ACAD11: variants seen among roughly 807,000 people sequenced by gnomAD.
ACAD11 encodes the protein acyl-Coenzyme A dehydrogenase family, member 11.
Under a neutral mutation model 102.2 loss-of-function variants are expected in ACAD11, and 83 were observed. The observed-to-expected ratio is 0.81, with a 90% CI of 0.68 to 0.97. The LOEUF (loss-of-function observed/expected upper bound fraction) is 0.97. ACAD11 is among the 50% of genes least tolerant of loss of function. The probability of loss-of-function intolerance (pLI) is 0.00; values close to 1 mark genes in which losing one functional copy is unlikely to be tolerated. For synonymous variants in ACAD11, 324 were observed against 319.8 expected (o/e 1.01, Z -0.14); for missense variants, 901 against 951.7 (o/e 0.95, Z 0.70).
At chr3:132,577,348 T>C (rs114067057) in intron 15 of ACAD11, among the ~76,000 whole-genome samples, 5,549 of 152,246 alleles carry the variant, frequency 0.036, 326 homozygotes, top group African/African-American at 0.13. Flanking sequence ...CTTTGAAATA[T>C]TTTACATATG....
Position 132,642,125 on chromosome 3 carries a change from G to A in ACAD11, c.384C>T (p.Ile128=), listed in dbSNP as rs1463412005. Residue 128 remains isoleucine, a synonymous_variant, in exon 4 of 20, where the codon ATC becomes ATT. Coordinates refer to ENST00000264990, the MANE Select transcript of ACAD11 (RefSeq NM_032169.5). ...GTCCAGGAATTGTTAAATCACGGAA[G>A]ATTCGACCCTATGGAAGTGATTACA... The part of the protein sequence containing the change: ...FYVMEHVQGR[I]FRDLTIPGLS... 1 of 1,613,744 alleles carries A rather than the reference G, an allele frequency of 6.2e-7. No individual in the cohort carries two copies. The highest frequency in any genetic ancestry group is 2.2e-5 in the East Asian group (1 of 44,846).
chr3:132,559,169 C>G, intron 19 of ACAD11, 84 bp from the exon 20 acceptor site: 1 of 933,154 alleles, frequency 1.1e-6, no homozygotes, highest in Non-Finnish European at 1.7e-6. Flanking sequence ...TGATTGTCAA[C>G]CAAGACTATA....
chr3:132,572,274 G>A (rs1937401938), intron 17 of ACAD11, among the ~76,000 whole-genome samples: 1 of 151,522 alleles, frequency 6.6e-6, no homozygotes, highest in African/African-American at 2.4e-5. Flanking sequence ...GCCAAATCGG[G>A]AATGCAATCC....
chr3:132,646,211 G>A (rs1026547104), intron 1 of ACAD11, among the ~76,000 whole-genome samples: 1 of 152,170 alleles, frequency 6.6e-6, no homozygotes, highest in East Asian at 1.9e-4. Context: ...TGATCCGCCC[G>A]CCTGGGCCTC....
intron 2 of ACAD11, 33 bp from the exon 3 acceptor site, chr3:132,642,835 G>T: frequency 6.3e-7 from 1 of 1,582,958 alleles, no homozygotes; most frequent in Non-Finnish European, 8.6e-7. Context: ...AAAAATCAGA[G>T]AAACTGATTT....
intron 1 of ACAD11, among the ~76,000 whole-genome samples, chr3:132,647,890 T>C (rs759112163): frequency 4.6e-5 from 7 of 152,162 alleles, no homozygotes; most frequent in Admixed American, 1.3e-4. Context: ...CACTTTCTTA[T>C]AGATGGCACA....
intron 13 of ACAD11, among the ~76,000 whole-genome samples, chr3:132,587,230 C>A (rs1937880529): frequency 6.6e-6 from 1 of 152,118 alleles, no homozygotes; most frequent in South Asian, 2.1e-4. Flanking sequence ...TTAGTTTATT[C>A]TTTTTTCAAA....
intron 13 of ACAD11, among the ~76,000 whole-genome samples, chr3:132,589,002 A>G (rs1036617494): frequency 6.6e-6 from 1 of 152,158 alleles, no homozygotes; most frequent in African/African-American, 2.4e-5. Context: ...TTTGGTCCGA[A>G]AGGCGGTGAT....
intron 13 of ACAD11, among the ~76,000 whole-genome samples, chr3:132,583,831 T>C (rs1296385879): frequency 6.6e-6 from 1 of 152,206 alleles, no homozygotes; most frequent in East Asian, 1.9e-4. Flanking sequence ...CAGGAGCAGG[T>C]TGTTCAGTTT....
intron 9 of ACAD11, among the ~76,000 whole-genome samples, chr3:132,624,908 C>T (rs187955174): frequency 5.7e-4 from 87 of 152,156 alleles, no homozygotes; most frequent in African/African-American, 9.9e-4. Flanking sequence ...TGGTCTCAAA[C>T]TCCTGGGCTC....
intron 4 of ACAD11, among the ~76,000 whole-genome samples, chr3:132,641,720 G>GAAC (rs1265426525): frequency 6.6e-6 from 1 of 150,512 alleles, no homozygotes; most frequent in African/African-American, 2.5e-5. Flanking sequence ...AGAAGAAGAA[G>GAAC]AAGAAGAAGA....
At chr3:132,639,725 T>A in intron 4 of ACAD11, 69 bp from the exon 5 acceptor site, 1 of 1,445,038 alleles carries the variant, frequency 6.9e-7, no homozygotes, top group Non-Finnish European at 9.4e-7. Context: ...ATTCTAAAAT[T>A]AAAACAAAAT....
intron 13 of ACAD11, among the ~76,000 whole-genome samples, chr3:132,596,564 C>A (rs1235243691): frequency 6.6e-6 from 1 of 152,064 alleles, no homozygotes; most frequent in African/African-American, 2.4e-5. Context: ...TCAAATAGAC[C>A]ATGAGGGCCA....
intron 9 of ACAD11, among the ~76,000 whole-genome samples, chr3:132,624,462 AGGCT>A (rs1470266649): frequency 6.6e-6 from 1 of 151,176 alleles, no homozygotes; most frequent in Non-Finnish European, 1.5e-5. Context: ...AAAATTAGCC[AGGCT>A]TGGTGGCAGG....
At chr3:132,642,536 TG>T in intron 3 of ACAD11, 140 bp downstream of exon 3, 1 of 993,774 alleles carries the variant, frequency 1.0e-6, no homozygotes, top group South Asian at 1.9e-5. Flanking sequence ...TGAACAAAAT[TG>T]TAAACCTTTG....
intron 11 of ACAD11, among the ~76,000 whole-genome samples, chr3:132,610,125 T>A (rs1029893787): frequency 6.6e-6 from 1 of 152,142 alleles, no homozygotes; most frequent in Non-Finnish European, 1.5e-5. Flanking sequence ...AGAACGTATC[T>A]CAAAATAATA....
intron 16 of ACAD11, among the ~76,000 whole-genome samples, chr3:132,576,222 C>T (rs2107791903): frequency 6.6e-6 from 1 of 152,216 alleles, no homozygotes; most frequent in Non-Finnish European, 1.5e-5. Context: ...AACACATAGT[C>T]CCTGTACTAG....
Position 132,619,466 on chromosome 3 carries a change from A to C in ACAD11, c.1275+2T>G. ...ATTTTCTAGCGTTAAAGATTTTCTT[A>C]CCTTGAGTTTATCAATCACTAAAGG... is the stretch of plus-strand genomic sequence containing the variant. On this transcript the variant is annotated splice_donor_variant, in intron 10 of 19. Coordinates refer to ENST00000264990, the MANE Select transcript of ACAD11 (RefSeq NM_032169.5). LOFTEE classifies it high-confidence loss of function. 1 of 1,573,088 alleles carries C rather than the reference A, an allele frequency of 6.4e-7. No homozygotes were observed. The highest frequency in any genetic ancestry group is 2.3e-5 in the East Asian group (1 of 43,242).
intron 5 of ACAD11, among the ~76,000 whole-genome samples, chr3:132,638,124 C>A (rs1392180952): frequency 6.6e-6 from 1 of 152,062 alleles, no homozygotes; most frequent in Non-Finnish European, 1.5e-5. Flanking sequence ...AATGAGGGTA[C>A]CTGAAATAAA....
Sources: allele counts gnomAD v4.1 joint callset (sites outside exome capture counted in the v4.1 genomes callset), GRCh38; gene constraint gnomAD v4.1.1; transcripts MANE v1.5; gene names NCBI Gene and HGNC (gene_info 2026-07-23, HGNC 2026-07-21).